NFIX: variants seen among roughly 807,000 people sequenced by gnomAD.
NFIX encodes nuclear factor I X.
NFIX carries 2 observed loss-of-function variants against 53.3 expected under a neutral mutation model. The ratio of observed to expected loss-of-function variants is 0.04; its 90% CI spans 0.02 to 0.12. The LOEUF (loss-of-function observed/expected upper bound fraction) is 0.12. Among genes scored for constraint, NFIX ranks in the 10% least tolerant of loss-of-function variants. The pLI is 1.00. For synonymous variants in NFIX, 244 were observed against 289.0 expected (o/e 0.84, Z 1.58); for missense variants, 310 against 674.5 (o/e 0.46, Z 5.99).
chr19:13,052,093 G>A lies in NFIX; in HGVS notation c.560-20954G>A, dbSNP rs1311946360. Among the ~76,000 whole-genome samples, 1 of 152,168 alleles carries A rather than the reference G, an allele frequency of 6.6e-6. No homozygotes were observed. The highest frequency in any genetic ancestry group is 2.4e-5 in the African/African-American group (1 of 41,440). ...GGGACCAAACGCCCTCAGGCATCCA[G>A]GTGGTGCCCGGGTTGATATGCAGCT... is the stretch of plus-strand genomic sequence containing the variant. On this transcript the variant is annotated intron_variant, in intron 2 of 10. Transcript: ENST00000592199. This position sits in a 1 kb window ranked among gnomAD's most constrained non-coding sequence, Gnocchi z 5.2.
At chr19:13,057,530 T>C (rs919504845) in intron 2 of NFIX, among the ~76,000 whole-genome samples, 2 of 151,680 alleles carry the variant, frequency 1.3e-5, no homozygotes, top group Non-Finnish European at 2.9e-5. Context: ...CAGCCTCGGC[T>C]CCCCAGGGCC....
intron 2 of NFIX, among the ~76,000 whole-genome samples, chr19:13,039,245 C>CACGG: frequency 6.7e-6 from 1 of 148,492 alleles, no homozygotes; most frequent in African/African-American, 2.5e-5. Context: ...CACACATACA[C>CACGG]GTGTGTGTGT....
At chr19:13,055,219 C>T (rs1458073758) in intron 2 of NFIX, among the ~76,000 whole-genome samples, 1 of 151,036 alleles carries the variant, frequency 6.6e-6, no homozygotes, top group Admixed American at 6.6e-5. Flanking sequence ...AGGCACAACC[C>T]TCCCCCCCTC....
chr19:13,088,211 A>G lies in NFIX; in HGVS notation c.1402+75A>G. The G allele has an allele frequency of 6.7e-7, 1 of 1,500,566 alleles. No individual in the cohort carries two copies. Among genetic ancestry groups the G allele is most frequent in the Non-Finnish European group, 8.9e-7 (1 of 1,121,580 alleles). The allele number at this position is 1,500,566 out of a possible 1,614,324, so 93.0% of individuals were successfully genotyped here. A position where few individuals can be genotyped will look rare whatever the true frequency, so the allele number is the denominator to read the frequency against. Reference sequence around the variant, plus strand: ...TCCAAACAGTCTCCACTGCAAAAAGAAAAGCCTTCCCCCTCCCCACCACCA... The same window carrying G: ...TCCAAACAGTCTCCACTGCAAAAAGGAAAGCCTTCCCCCTCCCCACCACCA... On this transcript the variant is annotated intron_variant, in intron 9 of 10. Transcript: ENST00000592199. The surrounding 1 kb of genome is among the most constrained non-coding windows in gnomAD (Gnocchi z 5.9).
At position 13,011,349 on chromosome 19, in the gene NFIX, C is replaced by G. The variant is rs1404303242; in HGVS notation, c.28-13672C>G. Among the ~76,000 whole-genome samples the G allele has an allele frequency of 6.6e-6, 1 of 152,210 alleles. No homozygotes were observed. The highest frequency in any genetic ancestry group is 1.5e-5 in the Non-Finnish European group (1 of 68,030). ...CGGCTTGCAATTCGCCACAAAGAGG[C>G]CATTTAATGCCCCCCACCACCCCAC... On this transcript the variant is annotated intron_variant, in intron 1 of 10. Transcript: ENST00000592199. This position sits in a 1 kb window ranked among gnomAD's most constrained non-coding sequence, Gnocchi z 6.5.
At chr19:13,074,472 G>A (rs574429118) in intron 5 of NFIX, among the ~76,000 whole-genome samples, 13 of 152,226 alleles carry the variant, frequency 8.5e-5, no homozygotes, top group Non-Finnish European at 1.8e-4. Context: ...TCCCTGGGTA[G>A]TGGGGACCCC....
chr19:13,011,735 A>C lies in NFIX; in HGVS notation c.28-13286A>C, dbSNP rs960204719. Among the ~76,000 whole-genome samples, 8 of 152,222 alleles carry C rather than the reference A, an allele frequency of 5.3e-5. No homozygotes were observed. Among genetic ancestry groups the C allele is most frequent in the African/African-American group, 1.9e-4 (8 of 41,530 alleles). On this transcript the variant is annotated intron_variant, in intron 1 of 10. Transcript: ENST00000592199. This position sits in a 1 kb window ranked among gnomAD's most constrained non-coding sequence, Gnocchi z 6.5. ...TCTGTGCATTAGGTCGCGTGCCTGT[A>C]CGTACCCTACCTGAGACCGCCCCTC...
rs1404478349 is a variant in NFIX at position 13,022,860 on chromosome 19, G to A, written c.28-2161G>A. Among the ~76,000 whole-genome samples, 2 of 146,458 alleles carry A rather than the reference G, an allele frequency of 1.4e-5. No individual in the cohort carries two copies. Among genetic ancestry groups the A allele is most frequent in the South Asian group, 2.4e-4 (1 of 4,168 alleles). Reference sequence around the variant, plus strand: ...TGGGTGGCTGCTGCCAAATGGACCCGAGTGGGAGCCTGGAATGAAAAATTC... The same window carrying A: ...TGGGTGGCTGCTGCCAAATGGACCCAAGTGGGAGCCTGGAATGAAAAATTC... On this transcript the variant is annotated intron_variant, in intron 1 of 10. Transcript: ENST00000592199. The surrounding 1 kb of genome is among the most constrained non-coding windows in gnomAD (Gnocchi z 4.5).
intron 1 of NFIX, among the ~76,000 whole-genome samples, chr19:13,010,875 C>T (rs2012304106): frequency 6.6e-6 from 1 of 152,222 alleles, no homozygotes; most frequent in Non-Finnish European, 1.5e-5. Context: ...TCCCCCATCC[C>T]TCTCGGAACA....
rs1340220772 is a variant in NFIX, at chr19:13,098,391, C to G, written c.*3742C>G. 2 of 151,948 alleles carry G rather than the reference C, an allele frequency of 1.3e-5. No homozygotes were observed. The highest frequency in any genetic ancestry group is 2.9e-5 in the Non-Finnish European group (2 of 68,050). The allele number at this position is 151,948 out of a possible 1,614,324, so 9.4% of individuals were successfully genotyped here. A position where few individuals can be genotyped will look rare whatever the true frequency, so the allele number is the denominator to read the frequency against. On this transcript the variant is annotated 3_prime_UTR_variant, in exon 11 of 11. Transcript: ENST00000592199. ...CACCAGCATCGCGGACCGCAAAGGC[C>G]GCCCGTCCCGTCAAACAAGTTTCTT...
rs570143910 is a variant in NFIX at position 13,001,288 on chromosome 19, C to A, written c.27+5424C>A. On this transcript the variant is annotated intron_variant, in intron 1 of 10. Coordinates refer to ENST00000592199, the MANE Select transcript of NFIX (RefSeq NM_001365902.3). This position sits in a 1 kb window ranked among gnomAD's most constrained non-coding sequence, Gnocchi z 6.5. Reference sequence around the variant, plus strand: ...GTCTGTGTGGCAGCGTGTGTCTGCCCGGGTCCCTCTCCATGCCTCTCCATG... The same window carrying A: ...GTCTGTGTGGCAGCGTGTGTCTGCCAGGGTCCCTCTCCATGCCTCTCCATG... 6.6e-6 allele frequency among the ~76,000 whole-genome samples: 1 copy of A among 152,122 alleles called. No individual in the cohort carries two copies. The highest frequency in any genetic ancestry group is 2.4e-5 in the African/African-American group (1 of 41,402).
intron 1 of NFIX, among the ~76,000 whole-genome samples, chr19:12,997,521 G>A (rs945875617): frequency 6.6e-5 from 10 of 152,192 alleles, no homozygotes; most frequent in East Asian, 3.8e-4. Flanking sequence ...CCAGTTCCAC[G>A]GCCACTCCAT....
rs961963571 is a variant in NFIX at position 13,063,123 on chromosome 19, A to G, written c.560-9924A>G. On this transcript the variant is annotated intron_variant, in intron 2 of 10. Transcript: ENST00000592199. ...TGGTGGGGGAGGCTGATGCTCCCCA[A>G]TCCCTGCCGACCCTCTGTCCTTTTT... 1.1e-4 allele frequency among the ~76,000 whole-genome samples: 17 copies of G among 152,274 alleles called. No homozygotes were observed. The East Asian group carries it at 3.3e-3, about 29-fold the overall frequency.
intron 10 of NFIX, among the ~76,000 whole-genome samples, chr19:13,091,823 G>T (rs1048120629): frequency 1.4e-4 from 22 of 152,208 alleles, no homozygotes; most frequent in African/African-American, 4.8e-4. Context: ...CTCTGCGGTC[G>T]TGCGCTCCGA....
intron 1 of NFIX, among the ~76,000 whole-genome samples, chr19:13,019,216 G>A (rs891786399): frequency 1.3e-5 from 2 of 151,950 alleles, no homozygotes; most frequent in South Asian, 4.2e-4. Flanking sequence ...AGGTAGGTGC[G>A]GGCAGGTTGC....
At chr19:13,044,649 G>A (rs1334775493) in intron 2 of NFIX, among the ~76,000 whole-genome samples, 3 of 152,182 alleles carry the variant, frequency 2.0e-5, no homozygotes, top group South Asian at 2.1e-4. Flanking sequence ...GTCAGAGGGC[G>A]TGCATGCTTG....
chr19:13,025,819 A>G lies in NFIX; in HGVS notation c.559+267A>G, dbSNP rs1170458107. ...CCATCTTTGGAGGACTTATCTGATCAGAAAGATGCTGCAGGTCTTAGGATT... is the reference window on the plus strand; with the variant it reads ...CCATCTTTGGAGGACTTATCTGATCGGAAAGATGCTGCAGGTCTTAGGATT... On this transcript the variant is annotated intron_variant, in intron 2 of 10. Transcript: ENST00000592199. This position sits in a 1 kb window ranked among gnomAD's most constrained non-coding sequence, Gnocchi z 7.5. Among the ~76,000 whole-genome samples the G allele has an allele frequency of 6.6e-6, 1 of 152,218 alleles. No homozygotes were observed. The highest frequency in any genetic ancestry group is 2.4e-5 in the African/African-American group (1 of 41,452).
chr19:13,087,213 C>T (rs1170727663), intron 8 of NFIX, among the ~76,000 whole-genome samples: 3 of 152,216 alleles, frequency 2.0e-5, no homozygotes, highest in Non-Finnish European at 4.4e-5. Context: ...AGGCCATGCA[C>T]AGGGCCTGGA....
At position 13,089,897 on chromosome 19, in the gene NFIX, G is replaced by T. The variant is rs976189739; in HGVS notation, c.1403-402G>T. The stretch of plus-strand genomic sequence containing the variant: ...TGGGAAAGCAGGGTTATCCACTGAG[G>T]GTACCTGGGGACCAGGGCTATCCCC... On this transcript the variant is annotated intron_variant, in intron 9 of 10. Coordinates refer to ENST00000592199, the MANE Select transcript of NFIX (RefSeq NM_001365902.3). This position sits in a 1 kb window ranked among gnomAD's most constrained non-coding sequence, Gnocchi z 4.8. Among the ~76,000 whole-genome samples, 3 of 152,190 alleles carry T rather than the reference G, an allele frequency of 2.0e-5. No individual in the cohort carries two copies. Among genetic ancestry groups the T allele is most frequent in the African/African-American group, 7.2e-5 (3 of 41,456 alleles).
Sources: gnomAD v4.1 joint callset for allele counts (sites outside exome capture counted in the v4.1 genomes callset) on GRCh38, gnomAD v4.1.1 for gene constraint, Gnocchi (gnomAD v3.1) non-coding constraint, MANE v1.5 for transcripts, NCBI Gene and HGNC (gene_info 2026-07-23, HGNC 2026-07-21) for gene names.